LRP4: variants seen among roughly 807,000 people sequenced by gnomAD.
The protein encoded by LRP4 is low-density lipoprotein receptor-related protein 4.
Under a neutral mutation model 220.3 loss-of-function variants are expected in LRP4, and 95 were observed. The observed-to-expected ratio is 0.43, with a 90% confidence interval of 0.37 to 0.51. The LOEUF is 0.51. Among genes scored for constraint, LRP4 ranks in the 20% least tolerant of loss-of-function variants. The pLI is 0.00. For synonymous variants in LRP4, 903 were observed against 954.6 expected, an observed-to-expected ratio of 0.95 and a Z score of 1.00; for missense variants, 1,925 against 2,567.0, an observed-to-expected ratio of 0.75 and a Z score of 5.40.
chr11:46,894,878 A>T, intron 11 of LRP4, 59 bp from the exon 12 acceptor site: 1 of 1,438,792 alleles, frequency 7.0e-7, no homozygotes, highest in East Asian at 2.3e-5. Context: ...CCTGGTACCC[A>T]TCAGCAGGTC....
At position 46,875,375 on chromosome 11, in the gene LRP4, G is replaced by C; in HGVS notation, c.3925+81C>G. The C allele has an allele frequency of 7.9e-7, 1 of 1,272,822 alleles. No individual in the cohort carries two copies. Among genetic ancestry groups the C allele is most frequent in the Non-Finnish European group, 1.1e-6 (1 of 882,432 alleles). 78.8% of individuals were successfully genotyped at this position (1,272,822 alleles called of 1,614,324 possible). ...CTTTCTGGCTGTAAAGGAGCTCTGT[G>C]CTCTGGATATATCTCTGATGTTGAG... On this transcript the variant is annotated intron_variant, in intron 27 of 37. Transcript: ENST00000378623. The surrounding 1 kb of genome is among the most constrained non-coding windows in gnomAD (Gnocchi z 4.5).
At chr11:46,906,022 G>A (rs1464401909) in intron 1 of LRP4, among the ~76,000 whole-genome samples, 2 of 152,122 alleles carry the variant, frequency 1.3e-5, no homozygotes, top group Non-Finnish European at 2.9e-5. Flanking sequence ...CAGAGAGGAA[G>A]TAGGGGGGAA....
chr11:46,895,927 G>A lies in LRP4; in HGVS notation c.1140C>T (p.Cys380=). Residue 380 remains cysteine, a synonymous_variant, in exon 10 of 38, where the codon TGC becomes TGT. Transcript: ENST00000378623. ...CCTCTGTGAGCCGGTAGCCTGTGTG[G>A]CAGGTACACTGCACTGCCCCCCGCA... The part of the protein sequence containing the change: ...QMVRGAVQCT[C]HTGYRLTEDG... 6.2e-7 allele frequency: 1 copy of A among 1,613,898 alleles called. No individual in the cohort carries two copies.
chr11:46,898,090 C>T (rs1371630187), intron 7 of LRP4, among the ~76,000 whole-genome samples: 3 of 147,784 alleles, frequency 2.0e-5, no homozygotes, highest in Admixed American at 1.3e-4. Context: ...GGTGGCTGAC[C>T]GGGCGGGGGG....
At chr11:46,902,733 C>A (rs761993555) in intron 2 of LRP4, 50 bp downstream of exon 2, 4 of 1,609,576 alleles carry the variant, frequency 2.5e-6, no homozygotes, top group Non-Finnish European at 3.4e-6. Context: ...TTGCCCCCCA[C>A]CCCCAGGTCC....
Position 46,858,994 on chromosome 11 carries a change from T to G in LRP4, c.5707A>C (p.Ser1903Arg). Residue 1903 changes from serine to arginine, a missense_variant, in exon 38 of 38, where the codon AGC (serine) becomes CGC (arginine). By Grantham distance (110) the Ser-to-Arg change is moderately radical. Coordinates refer to ENST00000378623, the MANE Select transcript of LRP4 (RefSeq NM_002334.4). ...GAGAATGTGGGCATTTAGACCTGGCTCTCTGAGGAGAGCTTGCGTTCATGT... is the reference window on the plus strand; with the variant it reads ...GAGAATGTGGGCATTTAGACCTGGCGCTCTGAGGAGAGCTTGCGTTCATGT... The part of the protein sequence containing the change: ...WKHERKLSSE[S>R]QV 1 of 1,613,948 alleles carries G rather than the reference T, an allele frequency of 6.2e-7. No individual in the cohort carries two copies. The highest frequency in any genetic ancestry group is 8.5e-7 in the Non-Finnish European group (1 of 1,179,994).
intron 7 of LRP4, 82 bp from the exon 8 acceptor site, chr11:46,897,076 TC>T: frequency 6.4e-7 from 1 of 1,571,216 alleles, no homozygotes; most frequent in Non-Finnish European, 8.7e-7. Context: ...GCAGCTTATA[TC>T]AGTACCCATG....
chr11:46,914,503 G>A (rs1941917284), intron 1 of LRP4, among the ~76,000 whole-genome samples: 1 of 152,198 alleles, frequency 6.6e-6, no homozygotes, highest in Admixed American at 6.6e-5. Flanking sequence ...TATTTATAAG[G>A]TCAAACTCAG....
chr11:46,892,428 T>A (rs145068033), intron 13 of LRP4, among the ~76,000 whole-genome samples: 89 of 151,346 alleles, frequency 5.9e-4, no homozygotes, highest in African/African-American at 2.1e-3. Flanking sequence ...GATGGAGGTA[T>A]TTTTTTTTAA....
chr11:46,876,034 T>TA, intron 25 of LRP4, 68 bp from the exon 26 acceptor site: 1 of 1,528,330 alleles, frequency 6.5e-7, no homozygotes. Context: ...CATGAATACT[T>TA]AACAGTATGT....
Position 46,868,696 on chromosome 11 carries a change from C to A in LRP4, c.4855G>T (p.Val1619Leu). Residue 1619 changes from valine (V) to leucine (L), a missense_variant, in exon 33 of 38, where the codon GTG becomes TTG. Around this residue, in one of 3 missense-constraint regions of LRP4, gnomAD observed 1,244 missense variants for 1,624.9 expected, o/e 0.77. Coordinates refer to ENST00000378623, the MANE Select transcript of LRP4 (RefSeq NM_002334.4). The part of the protein sequence containing the change: ...QRQTGTNACG[V>L]NNGGCTHLCF... Reference sequence around the variant, plus strand: ...AGGTGGGTGCAGCCACCATTGTTCACACCACAGGCATTGGTCCCTGGAGGC... The same window carrying A: ...AGGTGGGTGCAGCCACCATTGTTCAAACCACAGGCATTGGTCCCTGGAGGC... 1 of 1,613,778 alleles carries A rather than the reference C, an allele frequency of 6.2e-7. No individual in the cohort carries two copies. Among genetic ancestry groups the A allele is most frequent in the Non-Finnish European group, 8.5e-7 (1 of 1,179,676 alleles).
At chr11:46,886,207 C>A (rs1483253853) in intron 17 of LRP4, 35 bp from the exon 18 acceptor site, 1 of 1,602,990 alleles carries the variant, frequency 6.2e-7, no homozygotes, top group Admixed American at 1.7e-5. Flanking sequence ...ACCAACTGTA[C>A]TTCCACTCTA....
chr11:46,892,230 G>T (rs1018807299), intron 13 of LRP4, among the ~76,000 whole-genome samples: 1 of 152,072 alleles, frequency 6.6e-6, no homozygotes, highest in Non-Finnish European at 1.5e-5. Flanking sequence ...ACTGTGCCCG[G>T]CCCCTCTATT....
chr11:46,881,736 A>G lies in LRP4; in HGVS notation c.2780T>C (p.Ile927Thr). ...LYWADAGMKT[I>T]EFAGLDGSKR... is the part of the protein sequence containing the mutation. ...ACTGCCATCCAGTCCAGCAAATTCAATTGTCTTCATGCCGGCGTCAGCCCA... is the reference window on the plus strand; with the variant it reads ...ACTGCCATCCAGTCCAGCAAATTCAGTTGTCTTCATGCCGGCGTCAGCCCA... Residue 927 changes from isoleucine to threonine, a missense_variant, in exon 20 of 38, where the codon ATT becomes ACT. By Grantham distance (89) the Ile-to-Thr change is moderately conservative. This residue lies in a region of LRP4 where 1,244 missense variants were observed against 1,624.9 expected (regional missense o/e 0.77). Transcript: ENST00000378623. 6.2e-7 allele frequency: 1 copy of G among 1,612,942 alleles called. No homozygotes were observed. The highest frequency in any genetic ancestry group is 8.5e-7 in the Non-Finnish European group (1 of 1,179,940).
rs59369000 is a variant in LRP4 at position 46,888,014 on chromosome 11, C to CAAAAAAAAA, written c.2215+1388_2215+1396dup. 8.7e-5 allele frequency among the ~76,000 whole-genome samples: 4 copies of CAAAAAAAAA among 45,906 alleles called. 1 individual carries two copies. Among genetic ancestry groups the CAAAAAAAAA allele is most frequent in the African/African-American group, 4.3e-4 (3 of 6,966 alleles). The allele number at this position is 45,906 out of a possible 152,430, so 30.1% of individuals were successfully genotyped here. A position where few individuals can be genotyped will look rare whatever the true frequency, so the allele number is the denominator to read the frequency against. ...TAGGTGACAGAGCAAGACCCTGTCTCAAAAAAAAAAAAAAAAAAAAAAAAA... is the reference window on the plus strand; with the variant it reads ...TAGGTGACAGAGCAAGACCCTGTCTCAAAAAAAAAAAAAAAAAAAAAAAAAAAAAAAAAA... On this transcript the variant is annotated intron_variant, in intron 16 of 37. Transcript: ENST00000378623.
At chr11:46,905,525 T>C (rs769772814) in intron 1 of LRP4, among the ~76,000 whole-genome samples, 1 of 152,060 alleles carries the variant, frequency 6.6e-6, no homozygotes, top group Non-Finnish European at 1.5e-5. Flanking sequence ...CGACATCTGG[T>C]GGGTAGAAGC....
At chr11:46,898,781 G>A in intron 6 of LRP4, 104 bp from the exon 7 acceptor site, 7 of 1,604,400 alleles carry the variant, frequency 4.4e-6, no homozygotes, top group South Asian at 1.1e-5. Context: ...CTCTTCCCAA[G>A]AGGGACCAGA....
intron 28 of LRP4, chr11:46,874,024 T>C: frequency 5.5e-6 from 1 of 182,944 alleles, no homozygotes; most frequent in Non-Finnish European, 1.2e-5. Context: ...TAGGCTGGTC[T>C]TGAACTCCTG....
Position 46,879,018 on chromosome 11 carries a change from C to T in LRP4, c.3025G>A (p.Glu1009Lys). ...CACAGGTGGCTACAGCCGCCATTCT[C>T]CATAGCACATGGTGTAGACACTGGG... ...RPPVSTPCAMENGGCSHLCLR... is the reference protein window; with the variant it reads ...RPPVSTPCAMKNGGCSHLCLR... The change falls in exon 22 of 38, where the codon GAG becomes AAG. Residue 1009 changes from glutamate (E) to lysine (K), a missense_variant. Transcript: ENST00000378623. The T allele has an allele frequency of 6.2e-7, 1 of 1,614,232 alleles. No homozygotes were observed. Among genetic ancestry groups the T allele is most frequent in the Non-Finnish European group, 8.5e-7 (1 of 1,180,042 alleles).
Sources: gnomAD v4.1 joint callset for allele counts (sites outside exome capture counted in the v4.1 genomes callset) on GRCh38, gnomAD v4.1.1 for gene constraint, gnomAD v4.1.1 regional missense constraint, Gnocchi (gnomAD v3.1) non-coding constraint, MANE v1.5 for transcripts, NCBI Gene and HGNC (gene_info 2026-07-23, HGNC 2026-07-21) for gene names.